Variants in KCNMA1 observed in about 807,000 individuals in gnomAD.
KCNMA1 encodes the protein potassium calcium-activated channel subfamily M alpha 1.
KCNMA1 carries 29 observed loss-of-function variants against 140.0 expected under a neutral mutation model. The observed-to-expected ratio is 0.21, with a 90% CI of 0.15 to 0.28. The LOEUF (loss-of-function observed/expected upper bound fraction) is 0.28. Among genes scored for constraint, KCNMA1 ranks in the 10% least tolerant of loss-of-function variants. KCNMA1 has a pLI of 1.00. For synonymous variants in KCNMA1, 612 were observed against 611.9 expected (o/e 1.00, Z 0.00); for missense variants, 880 against 1,602.2 (o/e 0.55, Z 7.70).
intron 2 of KCNMA1, among the ~76,000 whole-genome samples, chr10:77,322,165 A>G (rs1372126904): frequency 6.6e-6 from 1 of 152,192 alleles, no homozygotes; most frequent in Non-Finnish European, 1.5e-5. Flanking sequence ...AGCATGGAGA[A>G]GCAGGTAGAG....
intron 2 of KCNMA1, among the ~76,000 whole-genome samples, chr10:77,304,132 C>T (rs1212962142): frequency 2.0e-5 from 3 of 152,096 alleles, no homozygotes; most frequent in African/African-American, 4.8e-5. Flanking sequence ...ATTTCCTGCA[C>T]ATAGGGCCAG....
At chr10:77,063,795 G>A in intron 14 of KCNMA1, 1 of 985,160 alleles carries the variant, frequency 1.0e-6, no homozygotes, top group Non-Finnish European at 1.2e-6. Context: ...AGAGTGGGGA[G>A]GCAGAGTAGA....
chr10:77,506,621 T>TGTG (rs1567212159), intron 1 of KCNMA1, among the ~76,000 whole-genome samples: 21 of 54,010 alleles, frequency 3.9e-4, no homozygotes, highest in East Asian at 8.2e-4. Flanking sequence ...GTGTGTGTGT[T>TGTG]AGAGAGGGAG....
intron 3 of KCNMA1, among the ~76,000 whole-genome samples, chr10:77,204,602 A>T (rs1183949592): frequency 6.6e-6 from 1 of 152,206 alleles, no homozygotes; most frequent in African/African-American, 2.4e-5. Context: ...GGGAAAAAAT[A>T]AATTAATAAA....
chr10:77,085,943 A>G (rs1461098059), intron 11 of KCNMA1, among the ~76,000 whole-genome samples: 3 of 152,134 alleles, frequency 2.0e-5, no homozygotes, highest in African/African-American at 4.8e-5. Flanking sequence ...CAGTTTCTGG[A>G]AAAAAAGATT....
At chr10:76,972,060 G>A (rs547223289) in intron 19 of KCNMA1, among the ~76,000 whole-genome samples, 4 of 152,146 alleles carry the variant, frequency 2.6e-5, no homozygotes, top group South Asian at 2.1e-4. Context: ...CTAACTAGAC[G>A]TATAAGACAA....
At chr10:77,189,728 T>C (rs1044700241) in intron 3 of KCNMA1, among the ~76,000 whole-genome samples, 7 of 152,126 alleles carry the variant, frequency 4.6e-5, no homozygotes, top group African/African-American at 1.7e-4. Context: ...CCTTTCTAAA[T>C]TGAATGGGGC....
At chr10:77,467,518 A>C (rs1222814910) in intron 1 of KCNMA1, among the ~76,000 whole-genome samples, 3 of 152,224 alleles carry the variant, frequency 2.0e-5, no homozygotes, top group African/African-American at 7.2e-5. Context: ...CATAGAATCC[A>C]GTGGCAGAAC....
At chr10:76,919,970 A>G in intron 23 of KCNMA1, among the ~76,000 whole-genome samples, 1 of 133,408 alleles carries the variant, frequency 7.5e-6, no homozygotes, top group African/African-American at 2.7e-5. Context: ...ACTAATGAGA[A>G]GGCAATGAGC....
intron 3 of KCNMA1, among the ~76,000 whole-genome samples, chr10:77,220,844 G>A (rs1465686726): frequency 1.3e-5 from 2 of 152,124 alleles, no homozygotes; most frequent in Non-Finnish European, 2.9e-5. Context: ...AGAGCTTCTG[G>A]GGTTCTGAGA....
At chr10:77,096,079 CT>C (rs748943692) in intron 9 of KCNMA1, among the ~76,000 whole-genome samples, 2 of 152,198 alleles carry the variant, frequency 1.3e-5, no homozygotes, top group Non-Finnish European at 2.9e-5. Flanking sequence ...ATGAATAGCC[CT>C]TGGCAATTGT....
In KCNMA1 at chr10:76,885,311, AC is replaced by A; in HGVS notation, c.*1954del. On this transcript the variant is annotated 3_prime_UTR_variant, in exon 28 of 28. Transcript: ENST00000286628. ...ATAATATAAATCAATATATAGAGGGACAAAAATAATTTGAAAAAATTCTTCC... is the reference window on the plus strand; with the variant it reads ...ATAATATAAATCAATATATAGAGGGAAAAAATAATTTGAAAAAATTCTTCC... 1 of 900,594 alleles carries A rather than the reference AC, an allele frequency of 1.1e-6. No homozygotes were observed. Among genetic ancestry groups the A allele is most frequent in the Non-Finnish European group, 1.3e-6 (1 of 753,572 alleles). 55.8% of individuals were successfully genotyped at this position (900,594 alleles called of 1,614,324 possible). A position where few individuals can be genotyped will look rare whatever the true frequency, so the allele number is the denominator to read the frequency against.
intron 1 of KCNMA1, among the ~76,000 whole-genome samples, chr10:77,509,101 T>TTTGTTGTTGTTG (rs71028281): frequency 1.9e-4 from 23 of 119,034 alleles, no homozygotes; most frequent in Admixed American, 5.6e-4. Flanking sequence ...TTTGTTGGGT[T>TTTGTTGTTGTTG]TTGTTGTTGT....
chr10:77,565,148 CCCCTAGTCCTCCTGCCTTGCA>C (rs2067765560), intron 1 of KCNMA1, among the ~76,000 whole-genome samples: 1 of 152,156 alleles, frequency 6.6e-6, no homozygotes, highest in South Asian at 2.1e-4. Flanking sequence ...CCTTAAGTGT[CCCCTAGTCCTCCTGCCTTGCA>C]CCCAGCACTG....
chr10:77,606,571 C>G (rs2084608820), intron 1 of KCNMA1, among the ~76,000 whole-genome samples: 1 of 152,170 alleles, frequency 6.6e-6, no homozygotes, highest in Non-Finnish European at 1.5e-5. Context: ...GACCATGCCA[C>G]TGCACTCTAG....
chr10:77,637,147 G>T, intron 1 of KCNMA1, 118 bp downstream of exon 1: 1 of 1,248,476 alleles, frequency 8.0e-7, no homozygotes, highest in Non-Finnish European at 1.1e-6. Context: ...GCGGCGAGGG[G>T]AAGGCAGGCG....
intron 18 of KCNMA1, among the ~76,000 whole-genome samples, chr10:77,009,713 T>C (rs1012503951): frequency 2.0e-5 from 3 of 152,122 alleles, no homozygotes; most frequent in African/African-American, 7.2e-5. Flanking sequence ...CTTCCATCCT[T>C]CAAACACCAC....
chr10:77,489,976 A>G (rs2098512069), intron 1 of KCNMA1, among the ~76,000 whole-genome samples: 1 of 151,968 alleles, frequency 6.6e-6, no homozygotes, highest in African/African-American at 2.4e-5. Flanking sequence ...GAGTTTCTCA[A>G]CCCCGGCACT....
At chr10:77,426,921 A>G (rs1045612660) in intron 1 of KCNMA1, among the ~76,000 whole-genome samples, 1 of 152,232 alleles carries the variant, frequency 6.6e-6, no homozygotes, top group Non-Finnish European at 1.5e-5. Context: ...ACACATACCT[A>G]CTATACAAGT....
Sources: gnomAD v4.1 joint callset for allele counts (sites outside exome capture counted in the v4.1 genomes callset) on GRCh38, gnomAD v4.1.1 for gene constraint, MANE v1.5 for transcripts, NCBI Gene and HGNC (gene_info 2026-07-23, HGNC 2026-07-21) for gene names.